The following DCT variants were observed in gnomAD, a reference collection of about 807,000 sequenced individuals.
DCT encodes dopachrome tautomerase.
DCT carries 47 observed loss-of-function variants against 53.0 expected under a neutral mutation model. The observed-to-expected ratio is 0.89, with a 90% CI of 0.70 to 1.13. DCT has a LOEUF of 1.13. DCT is among the 50% of genes most tolerant of loss of function. The pLI, the probability that DCT is intolerant of heterozygous loss-of-function variation, is 0.00. For synonymous variants in DCT, 244 were observed against 237.0 expected, an observed-to-expected ratio of 1.03 and a Z score of -0.27; for missense variants, 669 against 637.4, an observed-to-expected ratio of 1.05 and a Z score of -0.53.
chr13:94,516,739 T>C, the DCT span, among the ~76,000 whole-genome samples: 52,939 of 151,888 alleles, frequency 0.35, 9,668 homozygotes, highest in East Asian at 0.61. Flanking sequence ...CACCATGTGA[T>C]GCCCTGTGCC....
At chr13:94,469,353 G>A (rs1291432415) in intron 1 of DCT, among the ~76,000 whole-genome samples, 1 of 152,160 alleles carries the variant, frequency 6.6e-6, no homozygotes, top group Non-Finnish European at 1.5e-5. Context: ...ACTATATTTG[G>A]AGATAGTGTC....
intron 5 of DCT, among the ~76,000 whole-genome samples, chr13:94,461,701 A>G (rs1437344912): frequency 1.3e-5 from 2 of 152,206 alleles, no homozygotes; most frequent in Admixed American, 1.3e-4. Context: ...ATGGACATTG[A>G]AAAAACACTA....
intron 1 of DCT, among the ~76,000 whole-genome samples, chr13:94,477,122 A>C (rs890278647): frequency 6.6e-6 from 1 of 151,924 alleles, no homozygotes; most frequent in Non-Finnish European, 1.5e-5. Flanking sequence ...TTTGAGACAG[A>C]TCTCACTCTG....
chr13:94,479,154 G>C lies in DCT; in HGVS notation c.102C>G (p.Ser34Arg). ...QFPRVCMTVD[S>R]LVNKECCPRL... ...GTGGGCAGCACTCCTTGTTCACTAG[G>C]CTGTCCACCGTCATGCAGACTCGGG... Residue 34 changes from serine (S) to arginine (R), a missense_variant, in exon 1 of 8, where the codon AGC becomes AGG. Transcript: ENST00000377028. The C allele has an allele frequency of 6.2e-7, 1 of 1,614,138 alleles. No individual in the cohort carries two copies. The highest frequency in any genetic ancestry group is 1.3e-5 in the African/African-American group (1 of 75,056).
the DCT span, among the ~76,000 whole-genome samples, chr13:94,510,305 C>T: frequency 2.6e-5 from 4 of 152,142 alleles, 1 homozygote; most frequent in South Asian, 8.3e-4. Context: ...ATTTAAACCA[C>T]CCTCCTACCA....
the DCT span, among the ~76,000 whole-genome samples, chr13:94,485,011 C>T: frequency 3.3e-5 from 5 of 151,182 alleles, no homozygotes; most frequent in African/African-American, 2.4e-5. Flanking sequence ...TTGGTTGACC[C>T]GTCTTTATTG....
chr13:94,532,721 C>T, the DCT span, among the ~76,000 whole-genome samples: 3 of 152,108 alleles, frequency 2.0e-5, no homozygotes, highest in Non-Finnish European at 1.5e-5. Context: ...ACCAACATGG[C>T]ACATGTGTAC....
intron 1 of DCT, among the ~76,000 whole-genome samples, chr13:94,477,840 G>A (rs1885195458): frequency 6.6e-6 from 1 of 152,240 alleles, no homozygotes; most frequent in African/African-American, 2.4e-5. Context: ...CAACCACCCA[G>A]CCTACAACAG....
intron 6 of DCT, among the ~76,000 whole-genome samples, chr13:94,452,913 T>C (rs1883190015): frequency 6.6e-6 from 1 of 152,062 alleles, no homozygotes; most frequent in South Asian, 2.1e-4. Context: ...ATAAAATATA[T>C]CTGGAAAATT....
chr13:94,544,770 T>C, the DCT span, among the ~76,000 whole-genome samples: 1 of 151,338 alleles, frequency 6.6e-6, no homozygotes, highest in African/African-American at 2.4e-5. Context: ...ACAAATAGTA[T>C]AACAAAAGTA....
chr13:94,494,436 T>C, the DCT span, among the ~76,000 whole-genome samples: 1 of 151,944 alleles, frequency 6.6e-6, no homozygotes, highest in Non-Finnish European at 1.5e-5. Flanking sequence ...TCTTCAGGGA[T>C]TTCCCAGGCA....
chr13:94,483,657 A>C (rs916085608), upstream of DCT, among the ~76,000 whole-genome samples: 1 of 151,922 alleles, frequency 6.6e-6, no homozygotes, highest in African/African-American at 2.4e-5. Flanking sequence ...ACCCACCACC[A>C]CATCTGGCTA....
At chr13:94,476,914 G>T (rs1355568378) in intron 1 of DCT, among the ~76,000 whole-genome samples, 1 of 152,138 alleles carries the variant, frequency 6.6e-6, no homozygotes, top group Non-Finnish European at 1.5e-5. Flanking sequence ...TGATAATTTT[G>T]AGAGAAGGTC....
chr13:94,453,440 A>T (rs1285436219), intron 6 of DCT, among the ~76,000 whole-genome samples: 1 of 152,186 alleles, frequency 6.6e-6, no homozygotes, highest in Admixed American at 6.5e-5. Context: ...AAAAATAAAA[A>T]TTTCACATAC....
the DCT span, among the ~76,000 whole-genome samples, chr13:94,486,811 C>A: frequency 6.6e-6 from 1 of 152,296 alleles, no homozygotes; most frequent in African/African-American, 2.4e-5. Flanking sequence ...TATTCTCCTT[C>A]CCTTATGTTC....
rs1881969728 is a variant in DCT, at chr13:94,437,433, T to C, written c.*2465A>G. Reference sequence around the variant, plus strand: ...TTAAATCCTAAGCAAGATACAAATGTCAATTTTAGAATTAGAAGGGAATTT... The same window carrying C: ...TTAAATCCTAAGCAAGATACAAATGCCAATTTTAGAATTAGAAGGGAATTT... On this transcript the variant is annotated 3_prime_UTR_variant, in exon 8 of 8. Coordinates refer to ENST00000377028, the MANE Select transcript of DCT (RefSeq NM_001922.5). 2.0e-5 allele frequency: 3 copies of C among 152,322 alleles called. No homozygotes were observed. The South Asian group carries it at 6.2e-4, about 32-fold the overall frequency. 9.4% of individuals were successfully genotyped at this position (152,322 alleles called of 1,614,324 possible). A position where few individuals can be genotyped will look rare whatever the true frequency, so the allele number is the denominator to read the frequency against.
chr13:94,456,345 A>C lies in DCT; in HGVS notation c.1179+3746T>G, dbSNP rs1056737281. 5.3e-5 allele frequency among the ~76,000 whole-genome samples: 8 copies of C among 152,178 alleles called. No individual in the cohort carries two copies. In the South Asian group the frequency reaches 6.2e-4, roughly 12 times the overall value. On this transcript the variant is annotated intron_variant, in intron 6 of 7. Coordinates refer to ENST00000377028, the MANE Select transcript of DCT (RefSeq NM_001922.5). The stretch of plus-strand genomic sequence containing the variant: ...GAAAGCTACTTCACACCCATCAGGC[A>C]AGCTTAGAATCATTGAAAGCTATAC...
At chr13:94,476,469 CTTTTTTTT>C (rs57154236) in intron 1 of DCT, among the ~76,000 whole-genome samples, 2 of 111,054 alleles carry the variant, frequency 1.8e-5, no homozygotes, top group African/African-American at 3.5e-5. Flanking sequence ...TTGGCACTTT[CTTTTTTTT>C]TTTTTTTTTT....
upstream of DCT, among the ~76,000 whole-genome samples, chr13:94,484,085 A>T (rs915143181): frequency 6.6e-6 from 1 of 152,232 alleles, no homozygotes; most frequent in Non-Finnish European, 1.5e-5. Flanking sequence ...ATGCAGCTGC[A>T]CATCCACCAC....
Sources: allele counts gnomAD v4.1 joint callset (sites outside exome capture counted in the v4.1 genomes callset), GRCh38; gene constraint gnomAD v4.1.1; transcripts MANE v1.5; gene names NCBI Gene and HGNC (gene_info 2026-07-23, HGNC 2026-07-21).